Variants in JAM2 observed in about 807,000 individuals in gnomAD.
JAM2 encodes the protein junctional adhesion molecule B.
JAM2 carries 17 observed loss-of-function variants against 42.0 expected under a neutral mutation model. The observed-to-expected ratio is 0.40, with a 90% CI of 0.28 to 0.61. The LOEUF is 0.61. Among genes scored for constraint, JAM2 ranks in the 20% least tolerant of loss-of-function variants. JAM2 has a pLI of 0.37. For missense variants in JAM2, 319 were observed against 358.3 expected (o/e 0.89, Z 0.89); for synonymous variants, 118 against 128.6 (o/e 0.92, Z 0.56).
chr21:25,700,937 A>T (rs929207606), intron 5 of JAM2, among the ~76,000 whole-genome samples: 1 of 152,228 alleles, frequency 6.6e-6, no homozygotes, highest in African/African-American at 2.4e-5. Context: ...ATTTTTTCTC[A>T]GGGCAGTTGG....
intron 1 of JAM2, among the ~76,000 whole-genome samples, chr21:25,653,067 C>T (rs993808814): frequency 2.6e-5 from 4 of 152,150 alleles, no homozygotes; most frequent in African/African-American, 9.7e-5. Context: ...TAGCTCTGTC[C>T]TTAACAGCTC....
intron 1 of JAM2, among the ~76,000 whole-genome samples, chr21:25,679,320 CTT>C (rs2033573762): frequency 6.6e-6 from 1 of 152,162 alleles, no homozygotes; most frequent in Non-Finnish European, 1.5e-5. Context: ...TTTATACAAA[CTT>C]TTCAAAATCC....
chr21:25,702,147 T>C (rs1189521822), intron 5 of JAM2, 23 bp from the exon 6 acceptor site: 2 of 1,328,678 alleles, frequency 1.5e-6, no homozygotes, highest in Non-Finnish European at 2.1e-6. Context: ...CTTAAAAAAA[T>C]ATATTTTTGC....
chr21:25,673,149 CT>C (rs753068835), intron 1 of JAM2, among the ~76,000 whole-genome samples: 2 of 152,208 alleles, frequency 1.3e-5, no homozygotes, highest in Non-Finnish European at 2.9e-5. Flanking sequence ...CATTCAGCCA[CT>C]GATGGTTTTC....
chr21:25,659,814 T>C (rs1278969731), intron 1 of JAM2, among the ~76,000 whole-genome samples: 1 of 152,198 alleles, frequency 6.6e-6, no homozygotes, highest in African/African-American at 2.4e-5. Flanking sequence ...AAAACAATAA[T>C]TATCCCAGTT....
At chr21:25,643,109 G>C (rs1439657932) in intron 1 of JAM2, among the ~76,000 whole-genome samples, 2 of 152,180 alleles carry the variant, frequency 1.3e-5, no homozygotes, top group African/African-American at 4.8e-5. Flanking sequence ...ATATGAATGT[G>C]GGGGGACATA....
intron 1 of JAM2, among the ~76,000 whole-genome samples, chr21:25,681,783 C>T (rs2033637493): frequency 1.3e-5 from 2 of 152,108 alleles, no homozygotes; most frequent in South Asian, 4.1e-4. Flanking sequence ...GAGATCCAGA[C>T]CATCCTGGCC....
chr21:25,690,773 A>G (rs1364370628), intron 3 of JAM2, among the ~76,000 whole-genome samples: 1 of 152,126 alleles, frequency 6.6e-6, no homozygotes, highest in Non-Finnish European at 1.5e-5. Flanking sequence ...ACCACTGAGA[A>G]GCTCAGGGAG....
chr21:25,687,117 G>A (rs2033768141), intron 2 of JAM2, among the ~76,000 whole-genome samples: 1 of 152,026 alleles, frequency 6.6e-6, no homozygotes, highest in South Asian at 2.1e-4. Context: ...AATTTGTGAT[G>A]GTATAAAGTA....
rs1029536919 is a variant in JAM2, at chr21:25,714,704, C to T, written c.*32C>T. 13 of 1,387,654 alleles carry T rather than the reference C, an allele frequency of 9.4e-6. No homozygotes were observed. Among genetic ancestry groups the T allele is most frequent in the Admixed American group, 2.6e-5 (1 of 38,892 alleles). 86.0% of individuals were successfully genotyped at this position (1,387,654 alleles called of 1,614,324 possible). ...CACTTTAGAGATACACCAAAGCCAC[C>T]GTTGTTACACAAGTTATTAAACTAT... On this transcript the variant is annotated 3_prime_UTR_variant, in exon 10 of 10. Transcript: ENST00000480456.
chr21:25,697,959 TCTCG>T (rs2034077858), intron 4 of JAM2, among the ~76,000 whole-genome samples: 1 of 151,148 alleles, frequency 6.6e-6, no homozygotes. Context: ...ACACTCTCTC[TCTCG>T]CTCTCTCTCA....
chr21:25,682,644 C>T (rs1216223872), intron 1 of JAM2, among the ~76,000 whole-genome samples: 1 of 152,224 alleles, frequency 6.6e-6, no homozygotes, highest in East Asian at 1.9e-4. Context: ...GGACCCTCTG[C>T]CTTTTCGCAT....
At chr21:25,682,219 T>C (rs1020305012) in intron 1 of JAM2, among the ~76,000 whole-genome samples, 2 of 152,264 alleles carry the variant, frequency 1.3e-5, no homozygotes, top group African/African-American at 4.8e-5. Flanking sequence ...TAGATATGTA[T>C]ACTTATAGGA....
chr21:25,646,669 CTA>C (rs760116610), intron 1 of JAM2, among the ~76,000 whole-genome samples: 1 of 152,140 alleles, frequency 6.6e-6, no homozygotes, highest in African/African-American at 2.4e-5. Context: ...AAACCCTACT[CTA>C]TGAATCTTCA....
At chr21:25,649,101 A>G (rs566922546) in intron 1 of JAM2, among the ~76,000 whole-genome samples, 1 of 152,350 alleles carries the variant, frequency 6.6e-6, no homozygotes, top group Non-Finnish European at 1.5e-5. Flanking sequence ...GCCTCCTTAT[A>G]TCCTAAAAGC....
chr21:25,672,681 G>A (rs935356385), intron 1 of JAM2, among the ~76,000 whole-genome samples: 1 of 152,194 alleles, frequency 6.6e-6, no homozygotes, highest in Non-Finnish European at 1.5e-5. Context: ...CATCTCTGCT[G>A]TAGAGGTGCG....
intron 4 of JAM2, among the ~76,000 whole-genome samples, chr21:25,695,671 C>G (rs562487838): frequency 2.7e-5 from 4 of 149,996 alleles, no homozygotes; most frequent in Admixed American, 1.3e-4. Flanking sequence ...CCAGACGGGG[C>G]GGGGCGGCTG....
At chr21:25,672,613 T>A (rs188250484) in intron 1 of JAM2, among the ~76,000 whole-genome samples, 1 of 152,326 alleles carries the variant, frequency 6.6e-6, no homozygotes, top group East Asian at 1.9e-4. Context: ...TAACTACAAT[T>A]TCAGATTAAA....
chr21:25,645,841 C>T (rs540054872), intron 1 of JAM2, among the ~76,000 whole-genome samples: 10 of 152,222 alleles, frequency 6.6e-5, no homozygotes, highest in African/African-American at 2.2e-4. Context: ...CTGTAGGCAA[C>T]GGTAAACAGT....
Sources: allele counts gnomAD v4.1 joint callset (sites outside exome capture counted in the v4.1 genomes callset), GRCh38; gene constraint gnomAD v4.1.1; transcripts MANE v1.5; gene names NCBI Gene and HGNC (gene_info 2026-07-23, HGNC 2026-07-21).